CACNA1E: variants seen among roughly 807,000 people sequenced by gnomAD.
CACNA1E encodes calcium voltage-gated channel subunit alpha1 E, also known as voltage-dependent R-type calcium channel subunit alpha-1E.
A neutral mutation model predicts 259.2 loss-of-function variants in CACNA1E; 40 were observed. That is an observed-to-expected ratio of 0.15 (90% CI 0.12 to 0.20). The LOEUF is 0.20. Ranked by LOEUF, CACNA1E falls within the 10% of genes least tolerant of loss-of-function variation. The probability of loss-of-function intolerance (pLI) is 1.00; values close to 1 mark genes in which losing one functional copy is unlikely to be tolerated. For missense variants in CACNA1E, 1,874 were observed against 3,040.1 expected, an observed-to-expected ratio of 0.62 and a Z score of 9.02; for synonymous variants, 1,104 against 1,138.5, an observed-to-expected ratio of 0.97 and a Z score of 0.61.
In CACNA1E at chr1:181,799,733, T is replaced by G. The variant is rs1662133577; in HGVS notation, c.*899T>G. ...GCCGGAGCCCATGCTATTCCAGGCA[T>G]TGGCTCTTTAGATGCCAGTCATGGG... On this transcript the variant is annotated 3_prime_UTR_variant, in exon 48 of 48. Coordinates refer to ENST00000367573, the MANE Select transcript of CACNA1E (RefSeq NM_001205293.3). 1 of 152,272 alleles carries G rather than the reference T, an allele frequency of 6.6e-6. No individual in the cohort carries two copies. Among genetic ancestry groups the G allele is most frequent in the Non-Finnish European group, 1.5e-5 (1 of 68,054 alleles). 9.4% of individuals were successfully genotyped at this position (152,272 alleles called of 1,614,324 possible). A position where few individuals can be genotyped will look rare whatever the true frequency, so the allele number is the denominator to read the frequency against.
At position 181,696,223 on chromosome 1, in the gene CACNA1E, T is replaced by C. The variant is rs549251671; in HGVS notation, c.1056-14731T>C. Among the ~76,000 whole-genome samples the C allele has an allele frequency of 1.4e-3, 212 of 152,294 alleles. 2 individuals carry two copies. Among genetic ancestry groups the C allele is most frequent in the African/African-American group, 5.0e-3 (209 of 41,578 alleles). ...ATATTTACGTAACATATATCTTTTT[T>C]TTTTTTTGACCTTGGAGATTTCCAT... On this transcript the variant is annotated intron_variant, in intron 7 of 47. Transcript: ENST00000367573.
chr1:181,330,131 A>G (rs1423866119), intron 1 of CACNA1E, among the ~76,000 whole-genome samples: 3 of 152,114 alleles, frequency 2.0e-5, no homozygotes, highest in African/African-American at 7.2e-5. Flanking sequence ...TTTTGGGGAT[A>G]TTGTCATACT....
chr1:181,461,933 C>T (rs1394046348), intron 2 of CACNA1E, among the ~76,000 whole-genome samples: 1 of 152,000 alleles, frequency 6.6e-6, no homozygotes, highest in Non-Finnish European at 1.5e-5. Context: ...TACACACATA[C>T]CTGTATGTAT....
intron 2 of CACNA1E, among the ~76,000 whole-genome samples, chr1:181,511,079 A>G (rs924503760): frequency 2.0e-5 from 3 of 152,214 alleles, no homozygotes; most frequent in Non-Finnish European, 4.4e-5. Flanking sequence ...AAGAGCAGCA[A>G]ACTCCTTCAG....
chr1:181,400,085 A>G (rs1656982023), intron 1 of CACNA1E, among the ~76,000 whole-genome samples: 1 of 152,188 alleles, frequency 6.6e-6, no homozygotes, highest in Non-Finnish European at 1.5e-5. Flanking sequence ...GTTCTATGCT[A>G]TATCTCAGTG....
At chr1:181,719,701 C>A in intron 12 of CACNA1E, 50 bp from the exon 13 acceptor site, 1 of 1,025,748 alleles carries the variant, frequency 9.7e-7, no homozygotes, top group Non-Finnish European at 1.5e-6. Context: ...AGAATGCCCC[C>A]TCTTCTCCTC....
At chr1:181,682,440 G>C (rs1650069448) in intron 7 of CACNA1E, among the ~76,000 whole-genome samples, 2 of 152,156 alleles carry the variant, frequency 1.3e-5, no homozygotes, top group African/African-American at 4.8e-5. Context: ...CGCCAAGCTG[G>C]TTGCTGGCAT....
At chr1:181,629,571 T>C (rs1278762183) in intron 6 of CACNA1E, among the ~76,000 whole-genome samples, 11 of 152,038 alleles carry the variant, frequency 7.2e-5, no homozygotes, top group Non-Finnish European at 1.5e-4. Context: ...AATTACAAAT[T>C]TTTTATGGTA....
intron 3 of CACNA1E, among the ~76,000 whole-genome samples, chr1:181,535,781 G>A (rs903424648): frequency 6.6e-6 from 1 of 151,000 alleles, no homozygotes; most frequent in African/African-American, 2.4e-5. Context: ...TCTGCCTCCC[G>A]GGTTCCAGCG....
chr1:181,475,098 C>T (rs150347531), intron 2 of CACNA1E, among the ~76,000 whole-genome samples: 69 of 152,212 alleles, frequency 4.5e-4, no homozygotes, highest in Non-Finnish European at 7.4e-4. Context: ...TCAGACAGGG[C>T]CCAGATACCT....
At chr1:181,791,880 C>A (rs1288117134) in intron 44 of CACNA1E, among the ~76,000 whole-genome samples, 1 of 152,190 alleles carries the variant, frequency 6.6e-6, no homozygotes, top group African/African-American at 2.4e-5. Context: ...GGAATGGGCA[C>A]CCCCACAGAG....
rs1170959092 is a variant in CACNA1E, at chr1:181,802,451, T to C, written c.*3617T>C. ...ATTCCTCCCAACCCCATAGAGCCTA[T>C]GTGGTGAGCATGAGGGTCGTCTTCC... is the stretch of plus-strand genomic sequence containing the variant. On this transcript the variant is annotated 3_prime_UTR_variant, in exon 48 of 48. Transcript: ENST00000367573. The C allele has an allele frequency of 1.3e-5, 2 of 152,238 alleles. No homozygotes were observed. The highest frequency in any genetic ancestry group is 4.8e-5 in the African/African-American group (2 of 41,446). The allele number at this position is 152,238 out of a possible 1,614,324, so 9.4% of individuals were successfully genotyped here. A position where few individuals can be genotyped will look rare whatever the true frequency, so the allele number is the denominator to read the frequency against.
At chr1:181,788,443 T>A (rs540180058) in intron 43 of CACNA1E, among the ~76,000 whole-genome samples, 1 of 152,158 alleles carries the variant, frequency 6.6e-6, no homozygotes, top group Non-Finnish European at 1.5e-5. Flanking sequence ...AGAGGATTAT[T>A]GGAAAGAAGA....
intron 6 of CACNA1E, among the ~76,000 whole-genome samples, chr1:181,648,124 G>T (rs915905114): frequency 9.9e-5 from 15 of 152,164 alleles, no homozygotes; most frequent in Admixed American, 3.3e-4. Context: ...CGGCAATTCA[G>T]AGAAATCTCC....
intron 32 of CACNA1E, among the ~76,000 whole-genome samples, chr1:181,762,288 GAAA>G (rs940846693): frequency 3.3e-5 from 5 of 151,972 alleles, no homozygotes; most frequent in African/African-American, 1.2e-4. Context: ...AATAAAAATT[GAAA>G]AAAACTTTTT....
intron 3 of CACNA1E, among the ~76,000 whole-genome samples, chr1:181,525,107 T>C (rs1667261435): frequency 6.6e-6 from 1 of 152,114 alleles, no homozygotes; most frequent in African/African-American, 2.4e-5. Context: ...TATATATAGG[T>C]AGATGATTTT....
intron 3 of CACNA1E, among the ~76,000 whole-genome samples, chr1:181,565,384 C>T (rs1448519502): frequency 1.3e-5 from 2 of 152,206 alleles, no homozygotes; most frequent in African/African-American, 4.8e-5. Context: ...TTTTCATTCC[C>T]TCTTGGCCCT....
chr1:181,709,052 G>A (rs1653074602), intron 7 of CACNA1E, among the ~76,000 whole-genome samples: 1 of 152,190 alleles, frequency 6.6e-6, no homozygotes, highest in Non-Finnish European at 1.5e-5. Context: ...AGGATGGAGA[G>A]GCAGGGTGAA....
intron 1 of CACNA1E, among the ~76,000 whole-genome samples, chr1:181,363,606 G>A (rs1213823910): frequency 6.6e-6 from 1 of 151,972 alleles, no homozygotes; most frequent in African/African-American, 2.4e-5. Context: ...GAGCTCTGGA[G>A]CATAAATTGC....
Sources: gnomAD v4.1 joint callset for allele counts (sites outside exome capture counted in the v4.1 genomes callset) on GRCh38, gnomAD v4.1.1 for gene constraint, MANE v1.5 for transcripts, NCBI Gene and HGNC (gene_info 2026-07-23, HGNC 2026-07-21) for gene names.